MKLN1: variants seen among roughly 807,000 people sequenced by gnomAD.
The protein encoded by MKLN1 is muskelin 1.
In MKLN1, 18 loss-of-function variants were observed where a neutral mutation model predicts 99.0. The ratio of observed to expected loss-of-function variants is 0.18; its 90% CI spans 0.13 to 0.27. The LOEUF is 0.27. Among genes scored for constraint, MKLN1 ranks in the 10% least tolerant of loss-of-function variants. The pLI, the probability that MKLN1 is intolerant of heterozygous loss-of-function variation, is 1.00. For missense variants in MKLN1, 621 were observed against 875.9 expected (o/e 0.71, Z 3.67); for synonymous variants, 288 against 293.2 (o/e 0.98, Z 0.18).
chr7:131,445,722 C>G, intron 11 of MKLN1, 52 bp from the exon 12 acceptor site: 1 of 1,479,048 alleles, frequency 6.8e-7, no homozygotes, highest in East Asian at 2.3e-5. Context: ...ATTCTGAGTT[C>G]TTCATGGAAG....
At position 131,490,295 on chromosome 7, in the gene MKLN1, A is replaced by T. The variant is rs878976558; in HGVS notation, c.*2567A>T. ...TAGACACATAAATTAAGTGGGATACAGTTTTCTCATTTGTATTATCTCCAG... is the reference window on the plus strand; with the variant it reads ...TAGACACATAAATTAAGTGGGATACTGTTTTCTCATTTGTATTATCTCCAG... On this transcript the variant is annotated 3_prime_UTR_variant, in exon 18 of 18. Coordinates refer to ENST00000352689, the MANE Select transcript of MKLN1 (RefSeq NM_013255.5). 4.6e-5 allele frequency: 7 copies of T among 152,614 alleles called. No individual in the cohort carries two copies. In the South Asian group the frequency reaches 1.4e-3, roughly 32 times the overall value. The allele number at this position is 152,614 out of a possible 1,614,324, so 9.5% of individuals were successfully genotyped here. A position where few individuals can be genotyped will look rare whatever the true frequency, so the allele number is the denominator to read the frequency against.
chr7:131,409,484 CA>C (rs891094203), intron 6 of MKLN1, among the ~76,000 whole-genome samples: 1 of 152,004 alleles, frequency 6.6e-6, no homozygotes. Context: ...GTCTCAAAGG[CA>C]AAGAAGAAAG....
intron 17 of MKLN1, among the ~76,000 whole-genome samples, chr7:131,484,060 A>G (rs1485373778): frequency 6.6e-6 from 1 of 152,180 alleles, no homozygotes; most frequent in Non-Finnish European, 1.5e-5. Flanking sequence ...TTTTAAGTTA[A>G]TGATGTGGCT....
At chr7:131,334,118 A>G (rs924447338) in intron 1 of MKLN1, among the ~76,000 whole-genome samples, 5 of 152,160 alleles carry the variant, frequency 3.3e-5, no homozygotes, top group African/African-American at 1.2e-4. Context: ...TATTAATCAC[A>G]TATAGTTGAA....
chr7:131,196,802 C>T (rs1259798937), intron 2 of MKLN1, among the ~76,000 whole-genome samples: 1 of 151,922 alleles, frequency 6.6e-6, no homozygotes, highest in African/African-American at 2.4e-5. Context: ...CATTGGCCCC[C>T]ATTTAAAAAG....
At chr7:131,209,388 C>T (rs896493276) in intron 3 of MKLN1, among the ~76,000 whole-genome samples, 6 of 152,158 alleles carry the variant, frequency 3.9e-5, no homozygotes, top group East Asian at 1.9e-4. Context: ...CCAACAATGG[C>T]GGCTTGGTCT....
intron 8 of MKLN1, 112 bp downstream of exon 8, chr7:131,414,822 A>T (rs1794970301): frequency 9.0e-6 from 4 of 444,262 alleles, no homozygotes; most frequent in Non-Finnish European, 1.7e-5. Context: ...TACACAAATG[A>T]AATTAGATTA....
At chr7:131,176,386 T>A (rs1387567454) in intron 2 of MKLN1, among the ~76,000 whole-genome samples, 1 of 152,276 alleles carries the variant, frequency 6.6e-6, no homozygotes, top group Non-Finnish European at 1.5e-5. Context: ...TTCCTTTTTT[T>A]AACCAACAGC....
At chr7:131,430,919 C>G (rs974404312) in intron 9 of MKLN1, among the ~76,000 whole-genome samples, 1 of 151,960 alleles carries the variant, frequency 6.6e-6, no homozygotes, top group African/African-American at 2.4e-5. Flanking sequence ...AGAGCAAGAC[C>G]CTGTCTCAAA....
At position 131,464,317 on chromosome 7, in the gene MKLN1, A is replaced by C. The variant is rs1796598724; in HGVS notation, c.1697A>C (p.Gln566Pro). The C allele has an allele frequency of 6.8e-6, 11 of 1,612,398 alleles. No homozygotes were observed. The highest frequency in any genetic ancestry group is 1.7e-5 in the Admixed American group (1 of 60,008). Reference protein sequence around the residue: ...NSWSCVYKNDQAAKDNPTKSL... With the variant: ...NSWSCVYKNDPAAKDNPTKSL... Reference sequence around the variant, plus strand: ...AGGTCTTGTGTCTATAAGAATGATCAAGCTGCAAAGGATAATCCAACTAAA... The same window carrying C: ...AGGTCTTGTGTCTATAAGAATGATCCAGCTGCAAAGGATAATCCAACTAAA... Residue 566 changes from glutamine (Q) to proline (P), a missense_variant, in exon 14 of 18, where the codon CAA (glutamine) becomes CCA (proline). By Grantham distance (76) the Gln-to-Pro change is moderately conservative. Coordinates refer to ENST00000352689, the MANE Select transcript of MKLN1 (RefSeq NM_013255.5).
intron 9 of MKLN1, among the ~76,000 whole-genome samples, chr7:131,437,358 T>C (rs1330940144): frequency 6.6e-6 from 1 of 152,222 alleles, no homozygotes; most frequent in Non-Finnish European, 1.5e-5. Context: ...AGTACCTCTT[T>C]TGTGCTAGAT....
At chr7:131,144,367 A>T (rs1795785651) in intron 2 of MKLN1, among the ~76,000 whole-genome samples, 1 of 151,618 alleles carries the variant, frequency 6.6e-6, no homozygotes, top group Non-Finnish European at 1.5e-5. Context: ...CTGTAGTCCC[A>T]GCTACTCGGG....
At chr7:131,158,322 T>G (rs1046068741) in intron 2 of MKLN1, among the ~76,000 whole-genome samples, 1 of 152,102 alleles carries the variant, frequency 6.6e-6, no homozygotes, top group Non-Finnish European at 1.5e-5. Context: ...AAGTCCCAGC[T>G]ATTCTGGAGG....
chr7:131,367,643 G>C (rs545296019), intron 1 of MKLN1, among the ~76,000 whole-genome samples: 8 of 152,152 alleles, frequency 5.3e-5, no homozygotes, highest in African/African-American at 1.9e-4. Context: ...TTTTTATTAT[G>C]CTACTGACTG....
intron 1 of MKLN1, among the ~76,000 whole-genome samples, chr7:131,356,426 C>G (rs953110783): frequency 2.0e-5 from 3 of 152,178 alleles, no homozygotes; most frequent in African/African-American, 7.2e-5. Context: ...GACTAGCTAC[C>G]CACTGTAACA....
At chr7:131,337,988 G>T (rs1799300036) in intron 1 of MKLN1, among the ~76,000 whole-genome samples, 1 of 152,162 alleles carries the variant, frequency 6.6e-6, no homozygotes, top group African/African-American at 2.4e-5. Context: ...GTCAAGGACT[G>T]AGCTGACTTG....
intron 3 of MKLN1, among the ~76,000 whole-genome samples, chr7:131,221,198 C>T (rs1797054384): frequency 6.8e-6 from 1 of 146,908 alleles, no homozygotes; most frequent in African/African-American, 2.5e-5. Context: ...GGTGACAGTA[C>T]AGACATGGAG....
intron 3 of MKLN1, among the ~76,000 whole-genome samples, chr7:131,251,242 A>G (rs1379844648): frequency 3.3e-5 from 5 of 152,002 alleles, no homozygotes; most frequent in Non-Finnish European, 7.4e-5. Flanking sequence ...CGAAACAAAA[A>G]CTCTATAATC....
chr7:131,195,690 C>A (rs1011511098), intron 2 of MKLN1, among the ~76,000 whole-genome samples: 1 of 152,016 alleles, frequency 6.6e-6, no homozygotes, highest in African/African-American at 2.4e-5. Flanking sequence ...CGGTGGCTCA[C>A]GCCTGGAATC....
Sources: allele counts gnomAD v4.1 joint callset (sites outside exome capture counted in the v4.1 genomes callset), GRCh38; gene constraint gnomAD v4.1.1; transcripts MANE v1.5; gene names NCBI Gene and HGNC (gene_info 2026-07-23, HGNC 2026-07-21).